The following CDH4 variants were observed in gnomAD, a reference collection of about 807,000 sequenced individuals.
CDH4 encodes the protein cadherin 4, also known as cadherin-4.
In CDH4, 33 loss-of-function variants were observed where a neutral mutation model predicts 86.0. The ratio of observed to expected loss-of-function variants is 0.38; its 90% CI spans 0.29 to 0.51. The LOEUF (loss-of-function observed/expected upper bound fraction) is 0.51, where lower values mean the gene tolerates loss of function less well. CDH4 is among the 20% of genes least tolerant of loss of function. The pLI, the probability that CDH4 is intolerant of heterozygous loss-of-function variation, is 0.86. For synonymous variants in CDH4, 555 were observed against 549.4 expected, an observed-to-expected ratio of 1.01 and a Z score of -0.14; for missense variants, 1,114 against 1,307.4, an observed-to-expected ratio of 0.85 and a Z score of 2.28.
chr20:61,892,066 A>G (rs757277160), intron 7 of CDH4, among the ~76,000 whole-genome samples: 5 of 152,258 alleles, frequency 3.3e-5, no homozygotes, highest in Non-Finnish European at 5.9e-5. Context: ...GAAAGCAGCC[A>G]TAGATAATGT....
intron 2 of CDH4, among the ~76,000 whole-genome samples, chr20:61,313,355 A>G (rs2084458140): frequency 6.6e-6 from 1 of 152,172 alleles, no homozygotes. Flanking sequence ...GTGGGGAAGT[A>G]GGTGCGAGCA....
At position 61,602,660 on chromosome 20, in the gene CDH4, G is replaced by A. The variant is rs187110921; in HGVS notation, c.170-140903G>A. Among the ~76,000 whole-genome samples, 9 of 131,298 alleles carry A rather than the reference G, an allele frequency of 6.9e-5. No individual in the cohort carries two copies. The East Asian group carries it at 9.2e-4, about 13-fold the overall frequency. 86.1% of individuals were successfully genotyped at this position (131,298 alleles called of 152,430 possible). On this transcript the variant is annotated intron_variant, in intron 2 of 15. Transcript: ENST00000614565. ...GAAGCTGCAGCCCGTTCTCTGCGTC[G>A]CTTTCTGATGCTGGGTTTATACATT...
chr20:61,404,945 G>A (rs747685307), intron 2 of CDH4, among the ~76,000 whole-genome samples: 2 of 152,120 alleles, frequency 1.3e-5, no homozygotes, highest in East Asian at 3.9e-4. Flanking sequence ...AGCTATTCAC[G>A]AGGCTGAGGC....
chr20:61,807,197 G>T lies in CDH4; in HGVS notation c.576+34015G>T, dbSNP rs1432658518. ...GGTGCCTGGTGGGTCCTGCCAGACA[G>T]AGGAGTGGCCTGTGGGAGAACTGCC... On this transcript the variant is annotated intron_variant, in intron 4 of 15. Coordinates refer to ENST00000614565, the MANE Select transcript of CDH4 (RefSeq NM_001794.5). The surrounding 1 kb of genome is among the most constrained non-coding windows in gnomAD (Gnocchi z 4.5). 6.6e-6 allele frequency among the ~76,000 whole-genome samples: 1 copy of T among 152,216 alleles called. No homozygotes were observed. The highest frequency in any genetic ancestry group is 2.4e-5 in the African/African-American group (1 of 41,478).
rs1325935615 is a variant in CDH4, at chr20:61,703,123, G to A, written c.170-40440G>A. On this transcript the variant is annotated intron_variant, in intron 2 of 15. Coordinates refer to ENST00000614565, the MANE Select transcript of CDH4 (RefSeq NM_001794.5). The surrounding 1 kb of genome is among the most constrained non-coding windows in gnomAD (Gnocchi z 4.3). ...ACACTCTGGTGGGGCAGGGGGCCAC[G>A]GGATGTTAGAAATGCGGCAGAGACC... Among the ~76,000 whole-genome samples, 3 of 152,168 alleles carry A rather than the reference G, an allele frequency of 2.0e-5. No individual in the cohort carries two copies. Among genetic ancestry groups the A allele is most frequent in the Admixed American group, 2.0e-4 (3 of 15,280 alleles).
chr20:61,458,887 C>T (rs181736853), intron 2 of CDH4, among the ~76,000 whole-genome samples: 2 of 152,086 alleles, frequency 1.3e-5, no homozygotes, highest in Admixed American at 1.3e-4. Context: ...CTGCCCCACA[C>T]ACCTCATGGC....
At chr20:61,421,225 G>A (rs558871304) in intron 2 of CDH4, among the ~76,000 whole-genome samples, 1 of 152,288 alleles carries the variant, frequency 6.6e-6, no homozygotes, top group African/African-American at 2.4e-5. Flanking sequence ...ATGGCAGCGT[G>A]CATTTGTAAG....
rs1369413896 is a variant in CDH4, at chr20:61,499,518, T to C, written c.170-244045T>C. 3 of 1,288,586 alleles carry C rather than the reference T, an allele frequency of 2.3e-6. No individual in the cohort carries two copies. The African/African-American group carries it at 4.6e-5, about 20-fold the overall frequency. The allele number at this position is 1,288,586 out of a possible 1,614,324, so 79.8% of individuals were successfully genotyped here. On this transcript the variant is annotated intron_variant, in intron 2 of 15. Coordinates refer to ENST00000614565, the MANE Select transcript of CDH4 (RefSeq NM_001794.5). ...GCAAGTGTGAGTGTGCTAGGGGGGC[T>C]TAGGGTTGTTTGTGGGCCACTTCTT...
intron 2 of CDH4, among the ~76,000 whole-genome samples, chr20:61,553,051 C>A (rs911354932): frequency 6.6e-6 from 1 of 152,172 alleles, no homozygotes; most frequent in Non-Finnish European, 1.5e-5. Flanking sequence ...ATGTCCATCA[C>A]CTGAAAAGTA....
chr20:61,731,408 C>T (rs1339001248), intron 2 of CDH4, among the ~76,000 whole-genome samples: 1 of 152,174 alleles, frequency 6.6e-6, no homozygotes, highest in African/African-American at 2.4e-5. Flanking sequence ...TCCCTGCCAC[C>T]CCACAGGGGT....
chr20:61,490,594 G>T (rs1173665370), intron 2 of CDH4, among the ~76,000 whole-genome samples: 1 of 152,158 alleles, frequency 6.6e-6, no homozygotes, highest in Non-Finnish European at 1.5e-5. Context: ...AGCTACTCGG[G>T]AGGCTGAGGC....
intron 2 of CDH4, among the ~76,000 whole-genome samples, chr20:61,262,914 C>G (rs1010215080): frequency 1.5e-5 from 2 of 137,694 alleles, no homozygotes; most frequent in African/African-American, 5.3e-5. Flanking sequence ...TCCTTCCTTT[C>G]TTTTTTCTTT....
Position 61,797,091 on chromosome 20 carries a change from C to G in CDH4, c.576+23909C>G, listed in dbSNP as rs867286882. Among the ~76,000 whole-genome samples the G allele has an allele frequency of 1.1e-4, 16 of 151,988 alleles. No individual in the cohort carries two copies. In the East Asian group the frequency reaches 1.6e-3, roughly 15 times the overall value. ...AGGCTGGGACAGGAAGAGCCCCCCC[C>G]CCCCCAACACTGGCCAGCTCCTGGT... On this transcript the variant is annotated intron_variant, in intron 4 of 15. Transcript: ENST00000614565.
chr20:61,625,457 T>G, intron 2 of CDH4, among the ~76,000 whole-genome samples: 1 of 152,150 alleles, frequency 6.6e-6, no homozygotes, highest in Non-Finnish European at 1.5e-5. Context: ...CGTGATAGTT[T>G]GTTCCAAAGA....
At chr20:61,739,642 G>C (rs1054646806) in intron 2 of CDH4, among the ~76,000 whole-genome samples, 1 of 152,220 alleles carries the variant, frequency 6.6e-6, no homozygotes. Flanking sequence ...TCCTGGATGG[G>C]GCTGAGGCAC....
At chr20:61,781,900 T>TG (rs1182421574) in intron 4 of CDH4, among the ~76,000 whole-genome samples, 6 of 152,226 alleles carry the variant, frequency 3.9e-5, no homozygotes, top group Admixed American at 2.0e-4. Flanking sequence ...GCAGTCAGAA[T>TG]GGGGTCTTCT....
chr20:61,883,100 C>T (rs1984365508), intron 7 of CDH4, among the ~76,000 whole-genome samples: 2 of 152,078 alleles, frequency 1.3e-5, no homozygotes, highest in Admixed American at 6.5e-5. Flanking sequence ...CCCCGGCACC[C>T]CAAGCCCACC....
chr20:61,510,295 C>T lies in CDH4; in HGVS notation c.170-233268C>T, dbSNP rs1027952867. On this transcript the variant is annotated intron_variant, in intron 2 of 15. Transcript: ENST00000614565. This position sits in a 1 kb window ranked among gnomAD's most constrained non-coding sequence, Gnocchi z 4.2. ...CTTTGTGTTTTGGGGGGGCCAGGAA[C>T]GTGCATTCAGGGGAGTTTCTATTTG... 5.3e-5 allele frequency among the ~76,000 whole-genome samples: 8 copies of T among 152,200 alleles called. No individual in the cohort carries two copies. Among genetic ancestry groups the T allele is most frequent in the Non-Finnish European group, 1.0e-4 (7 of 68,022 alleles).
chr20:61,610,835 C>G (rs1568712109), intron 2 of CDH4, among the ~76,000 whole-genome samples: 1 of 152,190 alleles, frequency 6.6e-6, no homozygotes, highest in Non-Finnish European at 1.5e-5. Context: ...GCAGCCATCT[C>G]AGCACTAGAG....
Sources: gnomAD v4.1 joint callset for allele counts (sites outside exome capture counted in the v4.1 genomes callset) on GRCh38, gnomAD v4.1.1 for gene constraint, Gnocchi (gnomAD v3.1) non-coding constraint, MANE v1.5 for transcripts, NCBI Gene and HGNC (gene_info 2026-07-23, HGNC 2026-07-21) for gene names.